AGAP1: variants seen among roughly 807,000 people sequenced by gnomAD.
AGAP1 encodes the protein ArfGAP with GTPase domain, ankyrin repeat and PH domain 1.
A neutral mutation model predicts 105.3 loss-of-function variants in AGAP1; 29 were observed. The ratio of observed to expected loss-of-function variants is 0.28; its 90% CI spans 0.21 to 0.38. The LOEUF (loss-of-function observed/expected upper bound fraction) is 0.38, where lower values mean the gene tolerates loss of function less well. Among genes scored for constraint, AGAP1 ranks in the 10% least tolerant of loss-of-function variants. AGAP1 has a pLI of 1.00. For missense variants in AGAP1, 998 were observed against 1,165.1 expected (o/e 0.86, Z 2.09); for synonymous variants, 509 against 485.9 (o/e 1.05, Z -0.63).
rs543231665 is a variant in AGAP1, at chr2:235,922,023, A to G, written c.1325-8742A>G. ...GAACAGATGGCGAAGGCCTAGTTTG[A>G]AGTGATGTGACTGTTAACGTCGCCT... On this transcript the variant is annotated intron_variant, in intron 11 of 17. Transcript: ENST00000304032. Among the ~76,000 whole-genome samples, 10 of 152,324 alleles carry G rather than the reference A, an allele frequency of 6.6e-5. 1 individual carries two copies. Among genetic ancestry groups the G allele is most frequent in the African/African-American group, 2.4e-4 (10 of 41,572 alleles).
intron 6 of AGAP1, among the ~76,000 whole-genome samples, chr2:235,766,409 G>A (rs1461220925): frequency 6.6e-6 from 1 of 152,126 alleles, no homozygotes; most frequent in Non-Finnish European, 1.5e-5. Context: ...CATTGAAAGC[G>A]CGTCTAAGGA....
chr2:235,878,540 C>T (rs188348030), intron 9 of AGAP1, among the ~76,000 whole-genome samples: 15 of 152,244 alleles, frequency 9.9e-5, no homozygotes, highest in African/African-American at 3.4e-4. Flanking sequence ...ATTTGCTAGT[C>T]GGGTTGAGAT....
At chr2:235,597,619 G>A (rs1489713307) in intron 1 of AGAP1, among the ~76,000 whole-genome samples, 1 of 152,226 alleles carries the variant, frequency 6.6e-6, no homozygotes, top group Non-Finnish European at 1.5e-5. Context: ...AAAATGTGCA[G>A]CACGCCCTCG....
rs1180237667 is a variant in AGAP1 at position 235,799,553 on chromosome 2, T to C, written c.957+31T>C. Reference sequence around the variant, plus strand: ...TGTCAACCCTGGGTGGAGATTTGAATGCGATTCCGAAGCGTTCCCATTAAC... The same window carrying C: ...TGTCAACCCTGGGTGGAGATTTGAACGCGATTCCGAAGCGTTCCCATTAAC... On this transcript the variant is annotated intron_variant, in intron 8 of 17. Transcript: ENST00000304032. This position sits in a 1 kb window ranked among gnomAD's most constrained non-coding sequence, Gnocchi z 5.0. 5 of 1,609,102 alleles carry C rather than the reference T, an allele frequency of 3.1e-6. No homozygotes were observed. The South Asian group carries it at 4.4e-5, about 14-fold the overall frequency.
intron 1 of AGAP1, among the ~76,000 whole-genome samples, chr2:235,529,714 C>G (rs1377219434): frequency 6.6e-6 from 1 of 152,210 alleles, no homozygotes; most frequent in African/African-American, 2.4e-5. Flanking sequence ...ACATGTGAAT[C>G]CTCAGCTCTG....
At chr2:235,903,727 T>G (rs1279587887) in intron 10 of AGAP1, among the ~76,000 whole-genome samples, 1 of 151,998 alleles carries the variant, frequency 6.6e-6, no homozygotes, top group African/African-American at 2.4e-5. Flanking sequence ...CTTTGTAGTT[T>G]TGGGGAGAAT....
At chr2:236,028,623 T>C (rs2057129085) in intron 13 of AGAP1, among the ~76,000 whole-genome samples, 1 of 152,196 alleles carries the variant, frequency 6.6e-6, no homozygotes, top group African/African-American at 2.4e-5. Context: ...TTGTAGGTGA[T>C]TTGGGGTTTT....
rs1448347628 is a variant in AGAP1 at position 235,721,957 on chromosome 2, A to G, written c.310+4313A>G. On this transcript the variant is annotated intron_variant, in intron 3 of 17. Coordinates refer to ENST00000304032, the MANE Select transcript of AGAP1 (RefSeq NM_001037131.3). This position sits in a 1 kb window ranked among gnomAD's most constrained non-coding sequence, Gnocchi z 4.5. ...GCATTTTGGTTGATATTTTATTGTT[A>G]CAGTGAAGAGAGCCAACTCACAGAT... is the stretch of plus-strand genomic sequence containing the variant. 6.6e-6 allele frequency among the ~76,000 whole-genome samples: 1 copy of G among 152,176 alleles called. No individual in the cohort carries two copies. The highest frequency in any genetic ancestry group is 1.5e-5 in the Non-Finnish European group (1 of 68,034).
chr2:236,116,405 AGTG>A (rs1394009872), intron 16 of AGAP1, among the ~76,000 whole-genome samples: 29 of 138,868 alleles, frequency 2.1e-4, no homozygotes, highest in South Asian at 1.4e-3. Flanking sequence ...GCTGGAGTGC[AGTG>A]ACGCAGTCTT....
intron 1 of AGAP1, among the ~76,000 whole-genome samples, chr2:235,628,603 A>C (rs950680778): frequency 6.6e-6 from 1 of 151,656 alleles, no homozygotes; most frequent in Non-Finnish European, 1.5e-5. Flanking sequence ...TCTGGAAAGA[A>C]GGGGGAGCCA....
rs1252081813 is a variant in AGAP1 at position 236,092,166 on chromosome 2, C to T, written c.2115-28026C>T. The stretch of plus-strand genomic sequence containing the variant: ...GAAAGGCAACAAGAGAGACCCTTGA[C>T]TGGTGCTAGATACAGGAACGTACAT... On this transcript the variant is annotated intron_variant, in intron 16 of 17. Coordinates refer to ENST00000304032, the MANE Select transcript of AGAP1 (RefSeq NM_001037131.3). The surrounding 1 kb of genome is among the most constrained non-coding windows in gnomAD (Gnocchi z 4.7). 6.6e-6 allele frequency among the ~76,000 whole-genome samples: 1 copy of T among 152,182 alleles called. No individual in the cohort carries two copies. The highest frequency in any genetic ancestry group is 1.5e-5 in the Non-Finnish European group (1 of 68,034).
rs1308468132 is a variant in AGAP1, at chr2:236,105,686, C to T, written c.2115-14506C>T. 6.6e-6 allele frequency among the ~76,000 whole-genome samples: 1 copy of T among 151,466 alleles called. No individual in the cohort carries two copies. Among genetic ancestry groups the T allele is most frequent in the African/African-American group, 2.4e-5 (1 of 41,256 alleles). ...TTCTCCCGCGTTCACGCCATTCTCC[C>T]GCGTTCACGCCATTCTCCCACCTCA... On this transcript the variant is annotated intron_variant, in intron 16 of 17. Transcript: ENST00000304032. The surrounding 1 kb of genome is among the most constrained non-coding windows in gnomAD (Gnocchi z 4.2).
At chr2:235,507,292 G>A (rs1023182614) in intron 1 of AGAP1, 3 of 152,536 alleles carry the variant, frequency 2.0e-5, no homozygotes, top group African/African-American at 7.2e-5. Flanking sequence ...AGGATGAGAA[G>A]ATGTAAACAG....
At position 235,829,583 on chromosome 2, in the gene AGAP1, A is replaced by G. The variant is rs181934969; in HGVS notation, c.1050+22252A>G. ...GGGTAGTTTTCCTTCACTTGTGAAA[A>G]ATTAATCATGATGTTAGCTTGTTAT... On this transcript the variant is annotated intron_variant, in intron 9 of 17. Transcript: ENST00000304032. 1.8e-3 allele frequency among the ~76,000 whole-genome samples: 276 copies of G among 152,326 alleles called. 1 individual carries two copies. The highest frequency in any genetic ancestry group is 3.4e-3 in the Middle Eastern group (1 of 294).
chr2:235,952,912 C>T (rs1044100804), intron 12 of AGAP1, among the ~76,000 whole-genome samples: 16 of 152,190 alleles, frequency 1.1e-4, no homozygotes, highest in Admixed American at 5.2e-4. Flanking sequence ...ATGGGCTGGG[C>T]GGCTCCAAGA....
rs1245181268 is a variant in AGAP1, at chr2:235,692,389, A to G, written c.164-16790A>G. 6.6e-6 allele frequency among the ~76,000 whole-genome samples: 1 copy of G among 152,032 alleles called. No homozygotes were observed. The highest frequency in any genetic ancestry group is 1.5e-5 in the Non-Finnish European group (1 of 68,002). ...TTTGTGCCTGCACTGCCAGGTGCACATCGAGCCTAATCTGGCTTAGGAAAC... is the reference window on the plus strand; with the variant it reads ...TTTGTGCCTGCACTGCCAGGTGCACGTCGAGCCTAATCTGGCTTAGGAAAC... On this transcript the variant is annotated intron_variant, in intron 1 of 17. Transcript: ENST00000304032. The surrounding 1 kb of genome is among the most constrained non-coding windows in gnomAD (Gnocchi z 5.8).
intron 11 of AGAP1, among the ~76,000 whole-genome samples, chr2:235,924,039 A>G (rs2052323219): frequency 6.6e-6 from 1 of 152,156 alleles, no homozygotes; most frequent in Admixed American, 6.5e-5. Context: ...TTTGCCGTGG[A>G]GAGTGACATT....
intron 1 of AGAP1, among the ~76,000 whole-genome samples, chr2:235,593,127 A>G (rs986341898): frequency 2.0e-5 from 3 of 152,094 alleles, no homozygotes; most frequent in East Asian, 1.9e-4. Flanking sequence ...ATCCTTATTG[A>G]TATCAGCCAC....
rs542517511 is a variant in AGAP1, at chr2:235,880,753, A to C, written c.1051-2592A>C. On this transcript the variant is annotated intron_variant, in intron 9 of 17. Coordinates refer to ENST00000304032, the MANE Select transcript of AGAP1 (RefSeq NM_001037131.3). Reference sequence around the variant, plus strand: ...AGACTCCGTCTCAAAAAAAAAAAAAACAAAAAAAGAACTTGAGTGAGGCTT... The same window carrying C: ...AGACTCCGTCTCAAAAAAAAAAAAACCAAAAAAAGAACTTGAGTGAGGCTT... 5.9e-5 allele frequency among the ~76,000 whole-genome samples: 9 copies of C among 151,986 alleles called. No homozygotes were observed. In the East Asian group the frequency reaches 1.7e-3, roughly 29 times the overall value.
Sources: gnomAD v4.1 joint callset for allele counts (sites outside exome capture counted in the v4.1 genomes callset) on GRCh38, gnomAD v4.1.1 for gene constraint, Gnocchi (gnomAD v3.1) non-coding constraint, MANE v1.5 for transcripts, NCBI Gene and HGNC (gene_info 2026-07-23, HGNC 2026-07-21) for gene names.